ADAM29: variants seen among roughly 807,000 people sequenced by gnomAD.
ADAM29 encodes ADAM metallopeptidase domain 29.
For synonymous variants in ADAM29, 367 were observed against 342.3 expected, an observed-to-expected ratio of 1.07 and a Z score of -0.80; for missense variants, 969 against 1,001.8, an observed-to-expected ratio of 0.97 and a Z score of 0.44.
At chr4:174,923,560 TACACACAC>T (rs1743307036) in intron 2 of ADAM29, among the ~76,000 whole-genome samples, 12 of 115,810 alleles carry the variant, frequency 1.0e-4, no homozygotes, top group Admixed American at 2.0e-4. Flanking sequence ...TATATATATA[TACACACAC>T]ACATATATAT....
At chr4:174,924,379 C>T (rs1743365190) in intron 2 of ADAM29, among the ~76,000 whole-genome samples, 2 of 152,154 alleles carry the variant, frequency 1.3e-5, no homozygotes, top group Non-Finnish European at 2.9e-5. Flanking sequence ...TCATTCACTG[C>T]TAGTTTTGGA....
chr4:174,952,544 A>G (rs1745242915), intron 4 of ADAM29, among the ~76,000 whole-genome samples: 1 of 152,232 alleles, frequency 6.6e-6, no homozygotes, highest in South Asian at 2.1e-4. Context: ...CACCTTTAGA[A>G]TTATATTACA....
chr4:174,926,830 A>G (rs773759266), intron 2 of ADAM29, among the ~76,000 whole-genome samples: 3 of 151,620 alleles, frequency 2.0e-5, no homozygotes, highest in African/African-American at 4.9e-5. Flanking sequence ...TGCTATCTAT[A>G]TGGCTACCAC....
chr4:174,966,688 G>T (rs1746177780), intron 4 of ADAM29, among the ~76,000 whole-genome samples: 1 of 152,132 alleles, frequency 6.6e-6, no homozygotes, highest in South Asian at 2.1e-4. Context: ...GCTGGTCATG[G>T]GCCGTACCCC....
In ADAM29 at chr4:174,977,932, C is replaced by G. The variant is rs141115697; in HGVS notation, c.2407C>G (p.Gln803Glu). 6.3e-7 allele frequency: 1 copy of G among 1,577,094 alleles called. No individual in the cohort carries two copies. The highest frequency in any genetic ancestry group is 8.6e-7 in the Non-Finnish European group (1 of 1,156,754). ...GAGTCAACCTCCTGTGACACCCTCC[C>G]AGAGGCAACCTCAGTTGATGCCTTC... ...SQSQPPVTPSQRQPQLMPSQS... is the reference protein window; with the variant it reads ...SQSQPPVTPSERQPQLMPSQS... The change falls in exon 5 of 5, where the codon CAG (glutamine) becomes GAG (glutamate). Residue 803 changes from glutamine (Q) to glutamate (E), a missense_variant. Gln to Glu is a conservative substitution (Grantham distance 29). Transcript: ENST00000359240.
intron 2 of ADAM29, among the ~76,000 whole-genome samples, chr4:174,924,792 G>A (rs1348275904): frequency 6.6e-6 from 1 of 152,172 alleles, no homozygotes; most frequent in African/African-American, 2.4e-5. Flanking sequence ...TTGTATGTTA[G>A]GAGTCTGGAG....
intron 4 of ADAM29, among the ~76,000 whole-genome samples, chr4:174,968,769 GCCCA>G (rs1746293365): frequency 1.1e-5 from 1 of 93,386 alleles, no homozygotes. Context: ...GCCACTTTCC[GCCCA>G]CACACACACA....
chr4:174,961,214 T>C (rs892111485), intron 4 of ADAM29, among the ~76,000 whole-genome samples: 1 of 151,990 alleles, frequency 6.6e-6, no homozygotes, highest in African/African-American at 2.4e-5. Context: ...CTTCTCATTA[T>C]ATTGCTAGAA....
chr4:174,923,037 C>A (rs999563494), intron 2 of ADAM29, among the ~76,000 whole-genome samples: 1 of 150,524 alleles, frequency 6.6e-6, no homozygotes, highest in African/African-American at 2.5e-5. Context: ...ATAAAACATA[C>A]AAATTATTAG....
At chr4:174,960,373 T>C (rs967047692) in intron 4 of ADAM29, among the ~76,000 whole-genome samples, 1 of 152,262 alleles carries the variant, frequency 6.6e-6, no homozygotes, top group East Asian at 1.9e-4. Flanking sequence ...TTAAGTATCA[T>C]ATCTTATTAT....
intron 2 of ADAM29, chr4:174,924,106 A>C (rs1269861575): frequency 1.3e-5 from 2 of 152,176 alleles, no homozygotes; most frequent in Admixed American, 1.3e-4. Flanking sequence ...ATACAAAAGA[A>C]ATTACTTTAT....
intron 4 of ADAM29, among the ~76,000 whole-genome samples, chr4:174,941,674 G>T (rs1415436093): frequency 2.6e-5 from 4 of 152,114 alleles, no homozygotes; most frequent in Non-Finnish European, 5.9e-5. Context: ...AATGAGGATT[G>T]CAATTTGAGA....
chr4:174,928,342 T>G (rs920273914), intron 2 of ADAM29, among the ~76,000 whole-genome samples: 2 of 151,822 alleles, frequency 1.3e-5, no homozygotes, highest in African/African-American at 4.8e-5. Context: ...CTGGAGATGT[T>G]TTTTGCCAGC....
At chr4:174,926,264 G>C (rs913373919) in intron 2 of ADAM29, among the ~76,000 whole-genome samples, 2 of 151,982 alleles carry the variant, frequency 1.3e-5, no homozygotes, top group African/African-American at 2.4e-5. Context: ...TATCGATAAC[G>C]CTTCAAATTG....
At position 174,949,873 on chromosome 4, in the gene ADAM29, A is replaced by G. The variant is rs538018816; in HGVS notation, c.-181+12860A>G. On this transcript the variant is annotated intron_variant, in intron 4 of 4. Coordinates refer to ENST00000359240, the MANE Select transcript of ADAM29 (RefSeq NM_014269.4). ...CCTTTTCCCTCAATTTCTCATCTTTATTATAGTCCTTTATATCACTCCCCA... is the reference window on the plus strand; with the variant it reads ...CCTTTTCCCTCAATTTCTCATCTTTGTTATAGTCCTTTATATCACTCCCCA... 2.6e-5 allele frequency among the ~76,000 whole-genome samples: 4 copies of G among 151,962 alleles called. No individual in the cohort carries two copies. In the South Asian group the frequency reaches 8.3e-4, roughly 32 times the overall value.
Position 174,975,624 on chromosome 4 carries a change from G to A in ADAM29, c.99G>A (p.Val33=), listed in dbSNP as rs151017490. The change falls in exon 5 of 5, where the codon GTG becomes GTA. Residue 33 remains valine (V), a synonymous_variant. Transcript: ENST00000359240. ...CCCAATATCACAGCCCTCCGGATGT[G>A]GTGATTCCTGTGAGGATAACTGGCA... ...EHPQYHSPPD[V]VIPVRITGTT... 402 of 1,611,902 alleles carry A rather than the reference G, an allele frequency of 2.5e-4. 2 individuals carry two copies. The African/African-American group carries it at 5.0e-3, about 20-fold the overall frequency.
At position 174,976,291 on chromosome 4, in the gene ADAM29, C is replaced by A. The variant is rs1003918437; in HGVS notation, c.766C>A (p.Leu256Ile). Residue 256 changes from leucine (L) to isoleucine (I), a missense_variant, in exon 5 of 5, where the codon CTC (leucine) becomes ATC (isoleucine). Leu to Ile is a conservative substitution (Grantham distance 5). Transcript: ENST00000359240. ...TTTGGAGATCTGGACCAATAAAAAC[C>A]TCATTGTAGTAGATGATGTAAGGAA... is the stretch of plus-strand genomic sequence containing the variant. Reference protein sequence around the residue: ...FGLEIWTNKNLIVVDDVRKSV... With the variant: ...FGLEIWTNKNIIVVDDVRKSV... 9 of 1,611,652 alleles carry A rather than the reference C, an allele frequency of 5.6e-6. No individual in the cohort carries two copies. Among genetic ancestry groups the A allele is most frequent in the Non-Finnish European group, 7.6e-6 (9 of 1,179,346 alleles).
At chr4:174,930,405 C>T (rs969663793) in intron 2 of ADAM29, among the ~76,000 whole-genome samples, 3 of 152,120 alleles carry the variant, frequency 2.0e-5, no homozygotes, top group Non-Finnish European at 4.4e-5. Flanking sequence ...GTTCATTCAT[C>T]TTGTGAAAAA....
chr4:174,975,657 A>T lies in ADAM29; in HGVS notation c.132A>T (p.Arg44Ser). The T allele has an allele frequency of 6.2e-7, 1 of 1,613,236 alleles. No homozygotes were observed. The highest frequency in any genetic ancestry group is 2.2e-5 in the East Asian group (1 of 44,880). Residue 44 changes from arginine to serine, a missense_variant, in exon 5 of 5, where the codon AGA becomes AGT. Coordinates refer to ENST00000359240, the MANE Select transcript of ADAM29 (RefSeq NM_014269.4). The part of the protein sequence containing the change: ...VIPVRITGTT[R>S]GMTPPGWLSY... The stretch of plus-strand genomic sequence containing the variant: ...CTGTGAGGATAACTGGCACCACCAG[A>T]GGCATGACACCTCCAGGCTGGCTCT...
Sources: allele counts gnomAD v4.1 joint callset (sites outside exome capture counted in the v4.1 genomes callset), GRCh38; gene constraint gnomAD v4.1.1; transcripts MANE v1.5; gene names NCBI Gene and HGNC (gene_info 2026-07-23, HGNC 2026-07-21).